Variants in CSMD2 observed in about 807,000 individuals in gnomAD.
The protein encoded by CSMD2 is CUB and sushi domain-containing protein 2.
In CSMD2, 130 loss-of-function variants were observed where a neutral mutation model predicts 398.5. The ratio of observed to expected loss-of-function variants is 0.33; its 90% confidence interval spans 0.28 to 0.38. The LOEUF (loss-of-function observed/expected upper bound fraction) is 0.38, where lower values mean the gene tolerates loss of function less well. Among genes scored for constraint, CSMD2 ranks in the 10% least tolerant of loss-of-function variants. The probability of loss-of-function intolerance (pLI) is 1.00; values close to 1 mark genes in which losing one functional copy is unlikely to be tolerated. For missense variants in CSMD2, 3,829 were observed against 4,764.9 expected (o/e 0.80, Z 5.78); for synonymous variants, 1,828 against 1,908.5 (o/e 0.96, Z 1.10).
chr1:33,711,262 C>G (rs887775151), intron 21 of CSMD2, among the ~76,000 whole-genome samples: 2 of 152,186 alleles, frequency 1.3e-5, no homozygotes, highest in Non-Finnish European at 2.9e-5. Flanking sequence ...ACATGGGCAG[C>G]CTTCTGAAGC....
At chr1:33,788,152 G>A (rs1259564950) in intron 12 of CSMD2, among the ~76,000 whole-genome samples, 1 of 152,092 alleles carries the variant, frequency 6.6e-6, no homozygotes, top group Non-Finnish European at 1.5e-5. Flanking sequence ...ACAAAGAGGT[G>A]GCTGGGGCTC....
rs576113186 is a variant in CSMD2, at chr1:33,652,203, T to C, written c.4586+120A>G. ...CTAGTTTCTCTCTCTCTCGGCTTCT[T>C]CACCTCCCTGGAGCTGAGAACTCTG... On this transcript the variant is annotated intron_variant, in intron 28 of 70. Transcript: ENST00000373381. 1.2e-4 allele frequency: 127 copies of C among 1,035,048 alleles called. No individual in the cohort carries two copies. The East Asian group carries it at 3.0e-3, about 24-fold the overall frequency. The allele number at this position is 1,035,048 out of a possible 1,614,324, so 64.1% of individuals were successfully genotyped here. A position where few individuals can be genotyped will look rare whatever the true frequency, so the allele number is the denominator to read the frequency against.
chr1:34,154,513 A>G (rs891590298), intron 1 of CSMD2, among the ~76,000 whole-genome samples: 10 of 152,206 alleles, frequency 6.6e-5, no homozygotes, highest in African/African-American at 2.4e-4. Flanking sequence ...AGGGGAACAG[A>G]TACGTAAAAC....
chr1:33,569,506 G>A lies in CSMD2; in HGVS notation c.7999C>T (p.Arg2667Cys), dbSNP rs756852200. Residue 2667 changes from arginine (R) to cysteine (C), a missense_variant, in exon 52 of 71, where the codon CGC becomes TGC. Physicochemically the swap from Arg to Cys is radical, Grantham distance 180. Transcript: ENST00000373381. ...CCGTAGACAGACAGTGTTCCGATGC[G>A]GTGGCCATTGGGGGGAATCGGGAGC... is the stretch of plus-strand genomic sequence containing the variant. The part of the protein sequence containing the change: ...GELPIPPNGH[R>C]IGTLSVYGAT... 5.0e-6 allele frequency: 8 copies of A among 1,614,054 alleles called. No individual in the cohort carries two copies. The highest frequency in any genetic ancestry group is 2.7e-5 in the African/African-American group (2 of 74,922).
intron 14 of CSMD2, among the ~76,000 whole-genome samples, chr1:33,740,244 C>T (rs111436817): frequency 0.022 from 3,314 of 152,040 alleles, 56 homozygotes; most frequent in Non-Finnish European, 0.033. Context: ...TCCCTGCCTT[C>T]CTCCAGCAGG....
chr1:34,055,295 C>A (rs1364601627), intron 2 of CSMD2, among the ~76,000 whole-genome samples: 1 of 152,212 alleles, frequency 6.6e-6, no homozygotes, highest in African/African-American at 2.4e-5. Context: ...GGGTTCCCCA[C>A]AAACCAAACA....
intron 49 of CSMD2, 40 bp from the exon 50 acceptor site, chr1:33,572,731 G>C: frequency 6.7e-7 from 1 of 1,501,242 alleles, no homozygotes; most frequent in Non-Finnish European, 9.0e-7. Context: ...TTTGTTTTAA[G>C]ATGGTATTCT....
At chr1:33,667,988 A>G (rs1184377359) in intron 25 of CSMD2, among the ~76,000 whole-genome samples, 1 of 152,240 alleles carries the variant, frequency 6.6e-6, no homozygotes, top group Admixed American at 6.5e-5. Flanking sequence ...TGTCTAGCAC[A>G]GGGCAGGACA....
intron 4 of CSMD2, among the ~76,000 whole-genome samples, chr1:33,931,457 T>C (rs1211441389): frequency 6.7e-6 from 1 of 148,670 alleles, no homozygotes; most frequent in Non-Finnish European, 1.5e-5. Flanking sequence ...GGGATTATAA[T>C]AGAGATGAAC....
chr1:33,708,476 T>G (rs758032925), intron 22 of CSMD2, among the ~76,000 whole-genome samples: 2 of 152,112 alleles, frequency 1.3e-5, no homozygotes, highest in Non-Finnish European at 2.9e-5. Flanking sequence ...AATACATAGC[T>G]ACACAAATGA....
At position 33,636,775 on chromosome 1, in the gene CSMD2, TCCC is replaced by T. The variant is rs566592890; in HGVS notation, c.4775-224_4775-222del. ...CATTGAAGAGGGCAATTTCCCCTCCTCCCCCCATGTTCTTGCCTTGACCCACAG... is the reference window on the plus strand; with the variant it reads ...CATTGAAGAGGGCAATTTCCCCTCCTCCCATGTTCTTGCCTTGACCCACAG... On this transcript the variant is annotated intron_variant, in intron 29 of 70. Transcript: ENST00000373381. This position sits in a 1 kb window ranked among gnomAD's most constrained non-coding sequence, Gnocchi z 4.8. Among the ~76,000 whole-genome samples, 348 of 152,138 alleles carry T rather than the reference TCCC, an allele frequency of 2.3e-3. 3 individuals carry two copies. The highest frequency in any genetic ancestry group is 8.0e-3 in the African/African-American group (332 of 41,526).
intron 48 of CSMD2, among the ~76,000 whole-genome samples, chr1:33,579,811 T>C (rs1638567841): frequency 6.6e-6 from 1 of 152,114 alleles, no homozygotes; most frequent in Non-Finnish European, 1.5e-5. Flanking sequence ...CCCAAGTAGC[T>C]GAAATTACAG....
At chr1:33,820,447 A>C in intron 8 of CSMD2, 22 bp downstream of exon 8, 1 of 1,575,280 alleles carries the variant, frequency 6.3e-7, no homozygotes, top group South Asian at 1.1e-5. Flanking sequence ...TTGCAATCAG[A>C]AAATTCCCAA....
intron 2 of CSMD2, among the ~76,000 whole-genome samples, chr1:34,077,011 G>A (rs1370134795): frequency 6.9e-6 from 1 of 144,786 alleles, no homozygotes; most frequent in Non-Finnish European, 1.5e-5. Flanking sequence ...TCTAATAGGA[G>A]GAAAGTTCAT....
intron 1 of CSMD2, among the ~76,000 whole-genome samples, chr1:34,091,661 G>C (rs1360605058): frequency 6.6e-6 from 1 of 151,576 alleles, no homozygotes; most frequent in African/African-American, 2.4e-5. Context: ...AAAAAAAAAT[G>C]TTAAGGTCTT....
intron 1 of CSMD2, among the ~76,000 whole-genome samples, chr1:34,119,522 T>C (rs1375268677): frequency 6.8e-6 from 1 of 146,078 alleles, no homozygotes; most frequent in Non-Finnish European, 1.5e-5. Context: ...AACCATATTA[T>C]CTGGTGAGTG....
At chr1:33,586,252 A>T (rs564408551) in intron 46 of CSMD2, among the ~76,000 whole-genome samples, 2 of 152,330 alleles carry the variant, frequency 1.3e-5, no homozygotes, top group African/African-American at 4.8e-5. Context: ...AAAAAGGCAG[A>T]TGAAAATAAA....
chr1:34,110,276 A>G (rs755432083), intron 1 of CSMD2, among the ~76,000 whole-genome samples: 1 of 152,154 alleles, frequency 6.6e-6, no homozygotes, highest in Non-Finnish European at 1.5e-5. Flanking sequence ...CATTGTAGAA[A>G]GCAGTTTGGT....
At chr1:34,148,650 C>T (rs541377893) in intron 1 of CSMD2, among the ~76,000 whole-genome samples, 2 of 152,348 alleles carry the variant, frequency 1.3e-5, no homozygotes, top group South Asian at 4.1e-4. Flanking sequence ...GAGCTGCATG[C>T]TCTGAGCCAG....
Sources: gnomAD v4.1 joint callset for allele counts (sites outside exome capture counted in the v4.1 genomes callset) on GRCh38, gnomAD v4.1.1 for gene constraint, Gnocchi (gnomAD v3.1) non-coding constraint, MANE v1.5 for transcripts, NCBI Gene and HGNC (gene_info 2026-07-23, HGNC 2026-07-21) for gene names.